ADAR: variants seen among roughly 807,000 people sequenced by gnomAD.
ADAR encodes the protein adenosine deaminase RNA specific, also known as double-stranded RNA-specific adenosine deaminase.
A neutral mutation model predicts 113.2 loss-of-function variants in ADAR; 41 were observed. The ratio of observed to expected loss-of-function variants is 0.36; its 90% confidence interval spans 0.28 to 0.47. ADAR has a LOEUF of 0.47. ADAR is among the 20% of genes least tolerant of loss of function. The pLI, the probability that ADAR is intolerant of heterozygous loss-of-function variation, is 1.00. For synonymous variants in ADAR, 605 were observed against 572.6 expected, an observed-to-expected ratio of 1.06 and a Z score of -0.81; for missense variants, 1,242 against 1,540.9, an observed-to-expected ratio of 0.81 and a Z score of 3.25.
At chr1:154,588,697 G>A in intron 9 of ADAR, 24 bp from the exon 10 acceptor site, 2 of 1,614,044 alleles carry the variant, frequency 1.2e-6, no homozygotes, top group Non-Finnish European at 1.7e-6. Flanking sequence ...GTCTGGTTAG[G>A]AAGGCAGGTT....
Position 154,602,458 on chromosome 1 carries a change from G to T in ADAR, c.184C>A (p.Pro62Thr). Reference protein sequence around the residue: ...PEAPVIGKQTPSLPPSLPGLR... With the variant: ...PEAPVIGKQTTSLPPSLPGLR... ...CCTGGGAGGGAAGGTGGCAGTGACG[G>T]TGTCTGCTTTCCAATCACCGGTGCT... Residue 62 changes from proline to threonine, a missense_variant, in exon 2 of 15, where the codon CCG becomes ACG. Around this residue, in one of 2 missense-constraint regions of ADAR, gnomAD observed 462 missense variants for 483.1 expected, o/e 0.96. Coordinates refer to ENST00000368474, the MANE Select transcript of ADAR (RefSeq NM_001111.5). 6.2e-7 allele frequency: 1 copy of T among 1,613,698 alleles called. No homozygotes were observed. The highest frequency in any genetic ancestry group is 8.5e-7 in the Non-Finnish European group (1 of 1,179,704).
chr1:154,597,520 T>C (rs756636737), intron 4 of ADAR, among the ~76,000 whole-genome samples: 22 of 152,308 alleles, frequency 1.4e-4, no homozygotes, highest in South Asian at 4.1e-4. Context: ...TGTGAGTCTA[T>C]AGACCCACAG....
Position 154,601,136 on chromosome 1 carries a change from C to T in ADAR, c.1506G>A (p.Lys502=). The T allele has an allele frequency of 6.2e-7, 1 of 1,614,210 alleles. No homozygotes were observed. The highest frequency in any genetic ancestry group is 8.5e-7 in the Non-Finnish European group (1 of 1,180,048). Residue 502 remains lysine, a synonymous_variant, in exon 2 of 15, where the codon AAG becomes AAA. Coordinates refer to ENST00000368474, the MANE Select transcript of ADAR (RefSeq NM_001111.5). This position sits in a 1 kb window ranked among gnomAD's most constrained non-coding sequence, Gnocchi z 4.7. ...PYKKLTECQL[K]NPISGLLEYA... ...ATTCTAACAGCCCGCTGATGGGGTTCTTCAGCTGGCACTCTGTCAGTTTCT... is the reference window on the plus strand; with the variant it reads ...ATTCTAACAGCCCGCTGATGGGGTTTTTCAGCTGGCACTCTGTCAGTTTCT...
At chr1:154,613,088 G>A (rs1333827312), upstream of ADAR, among the ~76,000 whole-genome samples, 1 of 152,054 alleles carries the variant, frequency 6.6e-6, no homozygotes, top group African/African-American at 2.4e-5. Flanking sequence ...TGGGATTACA[G>A]GTGTGAGCCA....
At chr1:154,591,738 C>G (rs1407111863) in intron 6 of ADAR, among the ~76,000 whole-genome samples, 1 of 152,246 alleles carries the variant, frequency 6.6e-6, no homozygotes, top group Non-Finnish European at 1.5e-5. Context: ...CTTAGCAGCT[C>G]AGGCAGTAAA....
At chr1:154,619,068 C>T (rs1180493771) in intron 1 of ADAR, among the ~76,000 whole-genome samples, 2 of 152,086 alleles carry the variant, frequency 1.3e-5, no homozygotes, top group Non-Finnish European at 2.9e-5. Context: ...TGAGATTGTG[C>T]CACTGCACTC....
chr1:154,590,145 C>CG, intron 7 of ADAR, 39 bp downstream of exon 7: 2 of 1,133,702 alleles, frequency 1.8e-6, no homozygotes, highest in African/African-American at 1.6e-5. Flanking sequence ...AGGAGGACCC[C>CG]CCCGCCCCAA....
Position 154,602,533 on chromosome 1 carries a change from T to TG in ADAR, c.108dup (p.Ser37GlnfsTer2). Reference sequence around the variant, plus strand: ...TCTATTTGCTTAAGCAGGAAACTACTGGGGGAAGATCCTGGCCCAGGCTGC... The same window carrying TG: ...TCTATTTGCTTAAGCAGGAAACTACTGGGGGGAAGATCCTGGCCCAGGCTGC... On this transcript the variant is annotated frameshift_variant, in exon 2 of 15. Coordinates refer to ENST00000368474, the MANE Select transcript of ADAR (RefSeq NM_001111.5). LOFTEE classifies it high-confidence loss of function. 6.2e-7 allele frequency: 1 copy of TG among 1,614,202 alleles called. No individual in the cohort carries two copies. Among genetic ancestry groups the TG allele is most frequent in the Non-Finnish European group, 8.5e-7 (1 of 1,180,030 alleles).
rs78559384 is a variant in ADAR, at chr1:154,591,659, C to T, written c.2271-1250G>A. On this transcript the variant is annotated intron_variant, in intron 6 of 14. Transcript: ENST00000368474. ...AAGAATCCTAGCTTTCAACCAGATC[C>T]TAATCTACTGGCTGAGAACCCAGCT... 8.7e-3 allele frequency among the ~76,000 whole-genome samples: 1,329 copies of T among 152,332 alleles called. 23 individuals are homozygous for T. Among genetic ancestry groups the T allele is most frequent in the African/African-American group, 0.03 (1,264 of 41,572 alleles).
upstream of ADAR, among the ~76,000 whole-genome samples, chr1:154,612,289 T>C (rs1305906449): frequency 1.3e-5 from 2 of 150,638 alleles, no homozygotes; most frequent in African/African-American, 2.4e-5. Context: ...ATTTGCAACA[T>C]ATTATCAAAG....
chr1:154,588,352 G>A, intron 10 of ADAR, 94 bp from the exon 11 acceptor site: 1 of 1,584,688 alleles, frequency 6.3e-7, no homozygotes. Flanking sequence ...AGCAAGGGAT[G>A]TTTTCTAAGG....
intron 4 of ADAR, 96 bp from the exon 5 acceptor site, chr1:154,597,363 T>C (rs370780409): frequency 2.9e-5 from 42 of 1,453,908 alleles, no homozygotes; most frequent in African/African-American, 2.0e-4. Context: ...CTACTGGTAA[T>C]TTCCTTGAAC....
intron 1 of ADAR, among the ~76,000 whole-genome samples, chr1:154,605,439 T>TC (rs960315414): frequency 6.6e-6 from 1 of 150,864 alleles, no homozygotes; most frequent in African/African-American, 2.4e-5. Flanking sequence ...CTACTGGATT[T>TC]TTTTTTTTTT....
At chr1:154,624,057 C>T (rs942641934) in intron 1 of ADAR, among the ~76,000 whole-genome samples, 1 of 151,522 alleles carries the variant, frequency 6.6e-6, no homozygotes, top group African/African-American at 2.4e-5. Flanking sequence ...AGAATGAAGT[C>T]AATAAAGAAA....
rs755805542 is a variant in ADAR at position 154,583,914 on chromosome 1, G to C, written c.*892C>G. ...TCCCGTTGGCTAGGGTGTACGCCCAGCATTGGCGGGGAAAATATTCCTAGG... is the reference window on the plus strand; with the variant it reads ...TCCCGTTGGCTAGGGTGTACGCCCACCATTGGCGGGGAAAATATTCCTAGG... On this transcript the variant is annotated 3_prime_UTR_variant, in exon 15 of 15. Coordinates refer to ENST00000368474, the MANE Select transcript of ADAR (RefSeq NM_001111.5). 3.3e-5 allele frequency: 5 copies of C among 152,228 alleles called. No homozygotes were observed. The highest frequency in any genetic ancestry group is 1.3e-4 in the Admixed American group (2 of 15,284). The allele number at this position is 152,228 out of a possible 1,614,324, so 9.4% of individuals were successfully genotyped here. A position where few individuals can be genotyped will look rare whatever the true frequency, so the allele number is the denominator to read the frequency against.
upstream of ADAR, among the ~76,000 whole-genome samples, chr1:154,610,885 T>G (rs1698468260): frequency 6.7e-6 from 1 of 150,026 alleles, no homozygotes; most frequent in Admixed American, 6.6e-5. Context: ...AGGTGGGAGT[T>G]TTGACTGGGA....
chr1:154,620,126 G>T lies in ADAR; in HGVS notation c.-871+7729C>A, dbSNP rs556624823. ...AACTATACACTTAAAAATGGTTTAC[G>T]GGCCAGGCGCGGTGGCTCATGCCTG... On this transcript the variant is annotated intron_variant, in intron 1 of 14. Coordinates refer to the ADAR transcript ENST00000368471. Among the ~76,000 whole-genome samples, 4 of 152,266 alleles carry T rather than the reference G, an allele frequency of 2.6e-5. No individual in the cohort carries two copies. The East Asian group carries it at 7.7e-4, about 29-fold the overall frequency.
chr1:154,623,542 C>T (rs565606716), intron 1 of ADAR, among the ~76,000 whole-genome samples: 3 of 152,300 alleles, frequency 2.0e-5, no homozygotes, highest in South Asian at 4.1e-4. Flanking sequence ...AGGTTATGGA[C>T]GGGCAGTTTA....
Position 154,602,257 on chromosome 1 carries a change from G to GT in ADAR, c.384dup (p.His129ThrfsTer32). The GT allele has an allele frequency of 6.2e-7, 1 of 1,614,206 alleles. No homozygotes were observed. Among genetic ancestry groups the GT allele is most frequent in the Non-Finnish European group, 8.5e-7 (1 of 1,180,038 alleles). Reference sequence around the variant, plus strand: ...TGGTAGATACTCAGTTCCTGGAAATGTGAGGAAAGGCAATCAACACCTCTC... The same window carrying GT: ...TGGTAGATACTCAGTTCCTGGAAATGTTGAGGAAAGGCAATCAACACCTCTC... On this transcript the variant is annotated frameshift_variant, in exon 2 of 15. Coordinates refer to ENST00000368474, the MANE Select transcript of ADAR (RefSeq NM_001111.5). LOFTEE classifies it high-confidence loss of function.
Sources: gnomAD v4.1 joint callset for allele counts (sites outside exome capture counted in the v4.1 genomes callset) on GRCh38, gnomAD v4.1.1 for gene constraint, gnomAD v4.1.1 regional missense constraint, Gnocchi (gnomAD v3.1) non-coding constraint, MANE v1.5 for transcripts, NCBI Gene and HGNC (gene_info 2026-07-23, HGNC 2026-07-21) for gene names.